PDE11A: variants seen among roughly 807,000 people sequenced by gnomAD.
The protein encoded by PDE11A is phosphodiesterase 11A.
In PDE11A, 100 loss-of-function variants were observed where a neutral mutation model predicts 100.5. The ratio of observed to expected loss-of-function variants is 1.00; its 90% confidence interval spans 0.85 to 1.18. The LOEUF (loss-of-function observed/expected upper bound fraction) is 1.18, where lower values mean the gene tolerates loss of function less well. PDE11A is among the 50% of genes most tolerant of loss of function. The probability of loss-of-function intolerance (pLI) is 0.00; values close to 1 mark genes in which losing one functional copy is unlikely to be tolerated. For synonymous variants in PDE11A, 381 were observed against 420.8 expected (o/e 0.91, Z 1.16); for missense variants, 1,141 against 1,152.6 (o/e 0.99, Z 0.15).
At chr2:177,841,429 T>C (rs2083488637) in intron 5 of PDE11A, among the ~76,000 whole-genome samples, 1 of 152,226 alleles carries the variant, frequency 6.6e-6, no homozygotes, top group Non-Finnish European at 1.5e-5. Flanking sequence ...TAAATGAGTA[T>C]ACTACAGCAA....
chr2:177,801,331 G>A (rs532102361), intron 9 of PDE11A, among the ~76,000 whole-genome samples: 1 of 152,168 alleles, frequency 6.6e-6, no homozygotes, highest in African/African-American at 2.4e-5. Flanking sequence ...TAGAATATAA[G>A]GTTCATGACA....
At chr2:177,642,261 A>G (rs888039794) in intron 19 of PDE11A, among the ~76,000 whole-genome samples, 1 of 152,248 alleles carries the variant, frequency 6.6e-6, no homozygotes, top group African/African-American at 2.4e-5. Flanking sequence ...ATGGAGGTCA[A>G]GATTGGTCAG....
intron 2 of PDE11A, chr2:177,998,189 G>C: frequency 1.1e-6 from 1 of 871,888 alleles, no homozygotes; most frequent in South Asian, 1.3e-5. Context: ...AGTAATTCAT[G>C]AATAGAACAA....
intron 6 of PDE11A, among the ~76,000 whole-genome samples, chr2:177,834,662 G>A (rs937328280): frequency 6.6e-6 from 1 of 152,134 alleles, no homozygotes; most frequent in Admixed American, 6.5e-5. Context: ...CTCAGTGGGA[G>A]TCCCAGGAAG....
chr2:178,072,855 G>A, upstream of PDE11A: 1 of 1,158,256 alleles, frequency 8.6e-7, no homozygotes, highest in Non-Finnish European at 1.1e-6. Flanking sequence ...AGGGAGGAGA[G>A]AAGAGGAGGG....
intron 16 of PDE11A, among the ~76,000 whole-genome samples, chr2:177,679,357 G>A (rs2080826490): frequency 6.6e-6 from 1 of 152,064 alleles, no homozygotes; most frequent in African/African-American, 2.4e-5. Flanking sequence ...TGTTCACATT[G>A]GTATGTAAAT....
intron 10 of PDE11A, among the ~76,000 whole-genome samples, chr2:177,758,571 T>C (rs1322429847): frequency 2.0e-5 from 3 of 152,154 alleles, no homozygotes; most frequent in African/African-American, 7.2e-5. Context: ...AATGAATGCA[T>C]TGAAGGAATA....
intron 5 of PDE11A, among the ~76,000 whole-genome samples, chr2:177,853,960 G>GTA (rs2083783066): frequency 6.8e-6 from 1 of 147,254 alleles, no homozygotes; most frequent in African/African-American, 2.5e-5. Context: ...ATATATATGT[G>GTA]TATACACACA....
chr2:177,867,438 G>A (rs2084049895), intron 5 of PDE11A, among the ~76,000 whole-genome samples: 1 of 152,106 alleles, frequency 6.6e-6, no homozygotes, highest in African/African-American at 2.4e-5. Flanking sequence ...GTTATAAAAT[G>A]TGCAATATGG....
At chr2:177,917,317 T>C (rs1056677629) in intron 2 of PDE11A, among the ~76,000 whole-genome samples, 1 of 152,174 alleles carries the variant, frequency 6.6e-6, no homozygotes, top group Non-Finnish European at 1.5e-5. Flanking sequence ...ATGGCCTTGA[T>C]TTCCCCTGCT....
intron 2 of PDE11A, among the ~76,000 whole-genome samples, chr2:178,083,041 C>A (rs1179875358): frequency 1.3e-5 from 2 of 151,868 alleles, no homozygotes; most frequent in African/African-American, 4.8e-5. Flanking sequence ...ATACTTTCTG[C>A]TAGTTAGGGC....
chr2:178,102,907 G>A (rs1432173133), intron 2 of PDE11A, among the ~76,000 whole-genome samples: 1 of 152,126 alleles, frequency 6.6e-6, no homozygotes, highest in Non-Finnish European at 1.5e-5. Context: ...AATCCAATAT[G>A]ATTGGTGTCC....
chr2:177,664,176 G>C lies in PDE11A; in HGVS notation c.2563-227C>G, dbSNP rs182133421. Among the ~76,000 whole-genome samples, 3 of 151,960 alleles carry C rather than the reference G, an allele frequency of 2.0e-5. 1 individual carries two copies. In the South Asian group the frequency reaches 6.2e-4, roughly 32 times the overall value. The stretch of plus-strand genomic sequence containing the variant: ...AGCAAATTTACTTGAACTTTCTAGC[G>C]TGCAACTTCTTGGGGCAAAAACCTG... On this transcript the variant is annotated intron_variant, in intron 18 of 19. Transcript: ENST00000286063.
At chr2:177,701,262 C>T (rs1270170877) in intron 13 of PDE11A, 51 bp from the exon 14 acceptor site, 1 of 899,680 alleles carries the variant, frequency 1.1e-6, no homozygotes, top group East Asian at 2.4e-5. Context: ...GGTTCCCCCA[C>T]ACCAGCTTTT....
In PDE11A at chr2:177,660,083, CTT is replaced by C. The variant is rs1356048572; in HGVS notation, c.2646+3781_2646+3782del. Among the ~76,000 whole-genome samples, 26 of 37,502 alleles carry C rather than the reference CTT, an allele frequency of 6.9e-4. 1 individual carries two copies. The highest frequency in any genetic ancestry group is 1.2e-3 in the Non-Finnish European group (21 of 17,190). 24.6% of individuals were successfully genotyped at this position (37,502 alleles called of 152,430 possible). On this transcript the variant is annotated intron_variant, in intron 19 of 19. Transcript: ENST00000286063. The stretch of plus-strand genomic sequence containing the variant: ...TCTTTCTTTCTTTCTTTCTTTCTTT[CTT>C]TCTTTCTTTCTTTCTCTCTCTCTCT...
intron 1 of PDE11A, among the ~76,000 whole-genome samples, chr2:178,017,679 G>A (rs1427004770): frequency 1.3e-5 from 2 of 152,142 alleles, no homozygotes; most frequent in Non-Finnish European, 2.9e-5. Flanking sequence ...CAATTCGGGG[G>A]GCCAGGTGCA....
chr2:177,980,975 TACACACACACACACACAC>T (rs3073403), intron 2 of PDE11A, among the ~76,000 whole-genome samples: 1,800 of 129,784 alleles, frequency 0.014, 82 homozygotes, highest in East Asian at 0.082. Context: ...GAGAACTAGA[TACACACACACACACACAC>T]ACACACACAC....
intron 6 of PDE11A, among the ~76,000 whole-genome samples, chr2:177,831,261 G>C (rs1378273154): frequency 6.6e-6 from 1 of 152,186 alleles, no homozygotes; most frequent in Non-Finnish European, 1.5e-5. Flanking sequence ...ACTTGGGATG[G>C]GGTTTACATC....
At chr2:177,785,078 T>C (rs144506640) in intron 9 of PDE11A, among the ~76,000 whole-genome samples, 1 of 152,338 alleles carries the variant, frequency 6.6e-6, no homozygotes, top group East Asian at 1.9e-4. Context: ...TCTTTGAGCA[T>C]AGGGGCTTTG....
Sources: allele counts gnomAD v4.1 joint callset (sites outside exome capture counted in the v4.1 genomes callset), GRCh38; gene constraint gnomAD v4.1.1; transcripts MANE v1.5; gene names NCBI Gene and HGNC (gene_info 2026-07-23, HGNC 2026-07-21).